TLE2: variants seen among roughly 807,000 people sequenced by gnomAD.
TLE2 encodes the protein transducin-like enhancer protein 2.
Under a neutral mutation model 97.2 loss-of-function variants are expected in TLE2, and 74 were observed. The ratio of observed to expected loss-of-function variants is 0.76; its 90% CI spans 0.63 to 0.92. The LOEUF (loss-of-function observed/expected upper bound fraction) is 0.92, where lower values mean the gene tolerates loss of function less well. Ranked by LOEUF, TLE2 falls within the 40% of genes least tolerant of loss-of-function variation. TLE2 has a pLI of 0.00. For missense variants in TLE2, 1,038 were observed against 1,008.7 expected, an observed-to-expected ratio of 1.03 and a Z score of -0.39; for synonymous variants, 499 against 432.1, an observed-to-expected ratio of 1.15 and a Z score of -1.92.
At chr19:3,041,622 ACTTGGTGTT>A (rs765939661) in intron 1 of TLE2, among the ~76,000 whole-genome samples, 6 of 151,656 alleles carry the variant, frequency 4.0e-5, no homozygotes, top group Non-Finnish European at 7.4e-5. Context: ...TCTTCCTACC[ACTTGGTGTT>A]CTCTGCAATG....
Position 3,006,534 on chromosome 19 carries a change from C to G in TLE2, c.1386G>C (p.Ala462=), listed in dbSNP as rs763659822. 1 of 1,606,844 alleles carries G rather than the reference C, an allele frequency of 6.2e-7. No homozygotes were observed. Among genetic ancestry groups the G allele is most frequent in the East Asian group, 2.2e-5 (1 of 44,546 alleles). The change falls in exon 15 of 20, where the codon GCG becomes GCC. Residue 462 remains alanine (A), a synonymous_variant. Coordinates refer to ENST00000262953, the MANE Select transcript of TLE2 (RefSeq NM_003260.5). Reference sequence around the variant, plus strand: ...GCTGTGTGGAGCCGCTGATGGTGACCGCGCAGACCACCTCGCCATGGGCCA... The same window carrying G: ...GCTGTGTGGAGCCGCTGATGGTGACGGCGCAGACCACCTCGCCATGGGCCA... The part of the protein sequence containing the change: ...HTLAHGEVVC[A]VTISGSTQHV...
upstream of TLE2, among the ~76,000 whole-genome samples, chr19:3,032,780 T>A (rs2090035143): frequency 6.6e-6 from 1 of 152,002 alleles, no homozygotes; most frequent in South Asian, 2.1e-4. This position sits in a 1 kb window ranked among gnomAD's most constrained non-coding sequence, Gnocchi z 4.1. Flanking sequence ...TGATTCCAGG[T>A]TCTTGGGGGT....
chr19:3,018,568 C>G (rs2089765190), intron 7 of TLE2, among the ~76,000 whole-genome samples: 1 of 151,944 alleles, frequency 6.6e-6, no homozygotes, highest in Non-Finnish European at 1.5e-5. Context: ...GCTGGGATTA[C>G]AGGCGTGAAC....
At position 3,043,087 on chromosome 19, in the gene TLE2, T is replaced by A. The variant is rs999054403; in HGVS notation, c.63+2639A>T. On this transcript the variant is annotated intron_variant, in intron 1 of 18. Coordinates refer to the TLE2 transcript ENST00000426948. ...CTCCCTCCTCAGCCTCCCAAAGTGC[T>A]GGGATTACAGCCATGAGCCATCTTG... 2.6e-5 allele frequency among the ~76,000 whole-genome samples: 4 copies of A among 152,298 alleles called. No homozygotes were observed. The South Asian group carries it at 8.3e-4, about 32-fold the overall frequency.
intron 18 of TLE2, among the ~76,000 whole-genome samples, chr19:3,001,791 C>CTTTTTT (rs562875053): frequency 1.1e-4 from 12 of 111,416 alleles, no homozygotes; most frequent in African/African-American, 2.9e-4. Flanking sequence ...TCTTTTCTTT[C>CTTTTTT]TTTTTTTTTT....
chr19:3,014,837 A>G (rs2089668661), intron 9 of TLE2, among the ~76,000 whole-genome samples: 1 of 151,918 alleles, frequency 6.6e-6, no homozygotes, highest in African/African-American at 2.4e-5. Flanking sequence ...TGTGGAGAGG[A>G]CTTTGAAGGA....
intron 1 of TLE2, 38 bp downstream of exon 1, chr19:3,028,843 C>T (rs759745249): frequency 6.2e-7 from 1 of 1,611,850 alleles, no homozygotes; most frequent in Admixed American, 1.7e-5. Flanking sequence ...TCTGAGTTCC[C>T]GGACACTGGG....
chr19:3,005,581 C>A lies in TLE2; in HGVS notation c.1752G>T (p.Gln584His). 6.2e-7 allele frequency: 1 copy of A among 1,613,160 alleles called. No homozygotes were observed. Among genetic ancestry groups the A allele is most frequent in the Non-Finnish European group, 8.5e-7 (1 of 1,179,564 alleles). Reference protein sequence around the residue: ...WDLQNQTMVRQFQGHTDGASC... With the variant: ...WDLQNQTMVRHFQGHTDGASC... ...TGGCGCCGTCCGTGTGGCCCTGGAACTGCCTGGAGGGAGAAGGGCCCAGGC... is the reference window on the plus strand; with the variant it reads ...TGGCGCCGTCCGTGTGGCCCTGGAAATGCCTGGAGGGAGAAGGGCCCAGGC... Residue 584 changes from glutamine to histidine, a missense_variant, in exon 17 of 20, where the codon CAG becomes CAT. Physicochemically the swap from Gln to His is conservative, Grantham distance 24. Coordinates refer to ENST00000262953, the MANE Select transcript of TLE2 (RefSeq NM_003260.5).
Position 3,028,891 on chromosome 19 carries a change from C to T in TLE2, c.14G>A (p.Gly5Glu). Residue 5 changes from glycine (G) to glutamate (E), a missense_variant, in exon 1 of 20, where the codon GGA becomes GAA. Coordinates refer to ENST00000262953, the MANE Select transcript of TLE2 (RefSeq NM_003260.5). ...GCAGTCCGCACTCACCGGGTGCCTT[C>T]CCTGGGGGTACATCCTGCCGATCCG... MYPQ[G>E]RHPTPLQSGQ... 1 of 1,610,966 alleles carries T rather than the reference C, an allele frequency of 6.2e-7. No individual in the cohort carries two copies. Among genetic ancestry groups the T allele is most frequent in the South Asian group, 1.1e-5 (1 of 91,006 alleles).
chr19:3,001,954 C>T (rs1226196855), intron 18 of TLE2, among the ~76,000 whole-genome samples: 4 of 151,940 alleles, frequency 2.6e-5, no homozygotes, highest in East Asian at 1.9e-4. Context: ...CCCACCACCA[C>T]GCCTGGCTAA....
intron 19 of TLE2, among the ~76,000 whole-genome samples, chr19:2,999,264 A>G (rs1469525600): frequency 6.6e-6 from 1 of 152,126 alleles, no homozygotes; most frequent in African/African-American, 2.4e-5. Context: ...GCTGGGCGAC[A>G]GAGAAGGACT....
Position 2,999,982 on chromosome 19 carries a change from G to A in TLE2, c.2124+665C>T, listed in dbSNP as rs1000504053. Reference sequence around the variant, plus strand: ...CGGGAGGTGGAGCTTGCAGTGAGCCGAGATCGCAACACTGCACTCCAGCCT... The same window carrying A: ...CGGGAGGTGGAGCTTGCAGTGAGCCAAGATCGCAACACTGCACTCCAGCCT... On this transcript the variant is annotated intron_variant, in intron 19 of 19. Transcript: ENST00000262953. Among the ~76,000 whole-genome samples, 7 of 151,104 alleles carry A rather than the reference G, an allele frequency of 4.6e-5. No homozygotes were observed. In the East Asian group the frequency reaches 7.9e-4, roughly 17 times the overall value.
upstream of TLE2, among the ~76,000 whole-genome samples, chr19:3,046,932 G>GCCTCCCCCTCCTCCCCCTCCC (rs1421776384): frequency 3.0e-5 from 3 of 100,406 alleles, no homozygotes; most frequent in African/African-American, 1.2e-4. Flanking sequence ...CCCCTCCTCT[G>GCCTCCCCCTCCTCCCCCTCCC]CCTCCCCCTC....
chr19:3,012,365 G>A (rs565224180), intron 11 of TLE2, among the ~76,000 whole-genome samples: 35 of 152,252 alleles, frequency 2.3e-4, no homozygotes, highest in African/African-American at 7.5e-4. Flanking sequence ...ACAGGCACAC[G>A]ACTCCATGCC....
chr19:3,000,775 C>T (rs1490260689), intron 18 of TLE2, 52 bp from the exon 19 acceptor site: 7 of 1,443,818 alleles, frequency 4.8e-6, no homozygotes, highest in South Asian at 3.7e-5. Flanking sequence ...ACGAGAGACC[C>T]GGGCTGCAGG....
In TLE2 at chr19:3,009,568, AGCT is replaced by A; in HGVS notation, c.1144_1146del (p.Ser383del). 6.2e-7 allele frequency: 1 copy of A among 1,613,000 alleles called. No individual in the cohort carries two copies. The highest frequency in any genetic ancestry group is 1.1e-5 in the South Asian group (1 of 90,876). On this transcript the variant is annotated inframe_deletion, in exon 13 of 20. Coordinates refer to ENST00000262953, the MANE Select transcript of TLE2 (RefSeq NM_003260.5). ...ACGGGGGAGCGTCCGTACACCACAGAGCTGCTGACCTGGGGGGACAGGTGGAGG... is the reference window on the plus strand; with the variant it reads ...ACGGGGGAGCGTCCGTACACCACAGAGCTGACCTGGGGGGACAGGTGGAGG...
upstream of TLE2, among the ~76,000 whole-genome samples, chr19:3,030,992 G>A (rs1391381288): frequency 2.7e-5 from 4 of 149,828 alleles, no homozygotes; most frequent in Admixed American, 6.6e-5. Context: ...TAAAGCCATC[G>A]TTTTCCAGCC....
rs144443230 is a variant in TLE2 at position 3,044,450 on chromosome 19, C to T, written c.63+1276G>A. On this transcript the variant is annotated intron_variant, in intron 1 of 18. Transcript: ENST00000426948. ...CCTTTGCTTTTTAGAGAAGGATTCC[C>T]GCTCTGTCGCCCAGGCTGGAGTGCA... 1.1e-4 allele frequency among the ~76,000 whole-genome samples: 16 copies of T among 152,292 alleles called. No homozygotes were observed. In the East Asian group the frequency reaches 1.5e-3, roughly 15 times the overall value.
upstream of TLE2, among the ~76,000 whole-genome samples, chr19:3,031,342 T>TTGTTTG (rs1555694784): frequency 7.1e-6 from 1 of 139,900 alleles, no homozygotes; most frequent in Non-Finnish European, 1.5e-5. Context: ...AAAGATACAA[T>TTGTTTG]TGTGTGTGTG....
Sources: gnomAD v4.1 joint callset for allele counts (sites outside exome capture counted in the v4.1 genomes callset) on GRCh38, gnomAD v4.1.1 for gene constraint, Gnocchi (gnomAD v3.1) non-coding constraint, MANE v1.5 for transcripts, NCBI Gene and HGNC (gene_info 2026-07-23, HGNC 2026-07-21) for gene names.